Variants in PIK3R3 observed in about 807,000 individuals in gnomAD.
The protein encoded by PIK3R3 is phosphatidylinositol 3-kinase regulatory subunit gamma.
Under a neutral mutation model 62.9 loss-of-function variants are expected in PIK3R3, and 64 were observed. The observed-to-expected ratio is 1.02, with a 90% confidence interval of 0.83 to 1.25. PIK3R3 has a LOEUF of 1.25. Ranked by LOEUF, PIK3R3 falls within the 50% of genes most tolerant of loss-of-function variation. PIK3R3 has a pLI of 0.00. For missense variants in PIK3R3, 614 were observed against 561.6 expected, an observed-to-expected ratio of 1.09 and a Z score of -0.94; for synonymous variants, 165 against 189.0, an observed-to-expected ratio of 0.87 and a Z score of 1.04.
chr1:46,149,421 C>CAAAAAAAA, the PIK3R3 span, among the ~76,000 whole-genome samples: 1 of 52,004 alleles, frequency 1.9e-5, no homozygotes. Flanking sequence ...GACTCTGTCT[C>CAAAAAAAA]AAAAAAAAAA....
rs186310107 is a variant in PIK3R3 at position 46,121,267 on chromosome 1, G to A, written c.106+10580C>T. 2.0e-5 allele frequency among the ~76,000 whole-genome samples: 3 copies of A among 152,230 alleles called. No homozygotes were observed. In the East Asian group the frequency reaches 5.8e-4, roughly 29 times the overall value. On this transcript the variant is annotated intron_variant, in intron 1 of 9. Transcript: ENST00000262741. ...ACTAATATCAGAAAAAAAGGTTGTG[G>A]TTAATTCTATAAATGTCTATTAGAA...
intron 1 of PIK3R3, among the ~76,000 whole-genome samples, chr1:46,119,950 GTAT>G: frequency 6.6e-6 from 1 of 151,740 alleles, no homozygotes; most frequent in Non-Finnish European, 1.5e-5. Context: ...GCTAATTTTT[GTAT>G]TTTTTGTAAA....
intron 6 of PIK3R3, 88 bp from the exon 7 acceptor site, chr1:46,056,059 T>A: frequency 1.2e-6 from 1 of 820,018 alleles, no homozygotes. Flanking sequence ...ATCCTTTTTT[T>A]TTTTCCCTTG....
At chr1:46,091,106 A>G (rs906716753) in intron 1 of PIK3R3, among the ~76,000 whole-genome samples, 2 of 151,538 alleles carry the variant, frequency 1.3e-5, no homozygotes, top group African/African-American at 4.9e-5. Context: ...CTGTGGAACT[A>G]AAGGCATGCA....
At chr1:46,079,539 G>C (rs964595326) in intron 2 of PIK3R3, among the ~76,000 whole-genome samples, 1 of 152,150 alleles carries the variant, frequency 6.6e-6, no homozygotes, top group African/African-American at 2.4e-5. Flanking sequence ...GTACAGAAAT[G>C]TTAAGTACCC....
At chr1:46,157,707 TC>T in the PIK3R3 span, among the ~76,000 whole-genome samples, 20 of 152,272 alleles carry the variant, frequency 1.3e-4, no homozygotes, top group Admixed American at 1.1e-3. Context: ...CCAAGAGAAA[TC>T]CCTGTTCAGA....
the PIK3R3 span, among the ~76,000 whole-genome samples, chr1:46,140,477 A>G: frequency 4.6e-5 from 7 of 152,210 alleles, no homozygotes; most frequent in Non-Finnish European, 7.3e-5. Context: ...ATGTGAACTT[A>G]TTTGGAAGAG....
chr1:46,054,826 A>G (rs536012055), intron 7 of PIK3R3, among the ~76,000 whole-genome samples: 296 of 152,340 alleles, frequency 1.9e-3, no homozygotes, highest in Non-Finnish European at 3.5e-3. Flanking sequence ...CCCTCATACT[A>G]AAGAATTAGG....
At chr1:46,159,530 A>G in the PIK3R3 span, among the ~76,000 whole-genome samples, 319 of 152,338 alleles carry the variant, frequency 2.1e-3, 2 homozygotes, top group African/African-American at 6.9e-3. Flanking sequence ...TAAGGACCAG[A>G]TAAGACTGGC....
chr1:46,061,166 A>G (rs546911618), intron 6 of PIK3R3, among the ~76,000 whole-genome samples: 9 of 152,298 alleles, frequency 5.9e-5, no homozygotes, highest in African/African-American at 2.2e-4. Flanking sequence ...CACTGGTTCC[A>G]ACCCTAAACT....
intron 3 of PIK3R3, among the ~76,000 whole-genome samples, chr1:46,071,624 G>A (rs1393522043): frequency 2.0e-5 from 3 of 146,570 alleles, no homozygotes; most frequent in African/African-American, 7.7e-5. Context: ...AACCTGGGAG[G>A]CGGAGGTTGC....
chr1:46,123,234 A>C (rs1654831368), intron 1 of PIK3R3, among the ~76,000 whole-genome samples: 1 of 152,178 alleles, frequency 6.6e-6, no homozygotes, highest in South Asian at 2.1e-4. Flanking sequence ...AAAAGGGTAC[A>C]GTGCTAGAAT....
intron 1 of PIK3R3, among the ~76,000 whole-genome samples, chr1:46,094,373 C>T (rs1205730021): frequency 1.3e-5 from 2 of 151,914 alleles, no homozygotes; most frequent in Admixed American, 1.3e-4. Flanking sequence ...CAGAATAATG[C>T]TTAGGAAAAA....
the PIK3R3 span, among the ~76,000 whole-genome samples, chr1:46,171,124 G>C: frequency 1.3e-5 from 2 of 152,126 alleles, no homozygotes; most frequent in Admixed American, 6.5e-5. Flanking sequence ...TCAGCTCCAG[G>C]CTCTCTTCTC....
chr1:46,072,956 TAA>T (rs1375783330), intron 3 of PIK3R3, among the ~76,000 whole-genome samples: 10 of 75,268 alleles, frequency 1.3e-4, no homozygotes, highest in African/African-American at 3.6e-4. Flanking sequence ...CAAATATAAA[TAA>T]ATATATATAT....
At chr1:46,091,467 A>C (rs1651626816) in intron 1 of PIK3R3, among the ~76,000 whole-genome samples, 1 of 111,586 alleles carries the variant, frequency 9.0e-6, no homozygotes, top group Non-Finnish European at 1.9e-5. Flanking sequence ...AATGGTTATA[A>C]ACACACACAC....
the PIK3R3 span, among the ~76,000 whole-genome samples, chr1:46,140,518 C>G: frequency 6.6e-6 from 1 of 152,140 alleles, no homozygotes; most frequent in Non-Finnish European, 1.5e-5. Flanking sequence ...AATTAAAGAT[C>G]TTGAGATAAG....
upstream of PIK3R3, among the ~76,000 whole-genome samples, chr1:46,136,429 C>T (rs185439870): frequency 6.6e-6 from 1 of 152,204 alleles, no homozygotes; most frequent in Non-Finnish European, 1.5e-5. Flanking sequence ...TCTCTTGAGA[C>T]AGCAGTGTCT....
chr1:46,050,121 CAA>C (rs1265958044), intron 7 of PIK3R3, among the ~76,000 whole-genome samples: 15 of 78,978 alleles, frequency 1.9e-4, no homozygotes, highest in East Asian at 5.3e-4. Flanking sequence ...AACTCTGTCT[CAA>C]AAAAAAAAAA....
Sources: allele counts gnomAD v4.1 joint callset (sites outside exome capture counted in the v4.1 genomes callset), GRCh38; gene constraint gnomAD v4.1.1; transcripts MANE v1.5; gene names NCBI Gene and HGNC (gene_info 2026-07-23, HGNC 2026-07-21).